The following SEM1 variants were observed in gnomAD, a reference collection of about 807,000 sequenced individuals.
SEM1 encodes the protein 26S proteasome complex subunit SEM1.
Under a neutral mutation model 12.7 loss-of-function variants are expected in SEM1, and 3 were observed. That is an observed-to-expected ratio of 0.24 (90% CI 0.11 to 0.61). The LOEUF is 0.61. SEM1 is among the 20% of genes least tolerant of loss of function. The pLI, the probability that SEM1 is intolerant of heterozygous loss-of-function variation, is 0.88. For missense variants in SEM1, 59 were observed against 81.3 expected (o/e 0.73, Z 1.06); for synonymous variants, 30 against 27.8 (o/e 1.08, Z -0.25).
At chr7:96,603,998 G>A (rs1375141640) in intron 2 of SEM1, among the ~76,000 whole-genome samples, 13 of 151,902 alleles carry the variant, frequency 8.6e-5, no homozygotes, top group Non-Finnish European at 1.9e-4. Flanking sequence ...AAATATTAAA[G>A]AAAAGTTATT....
chr7:96,708,167 T>C (rs1790528355), intron 1 of SEM1: 1 of 152,224 alleles, frequency 6.6e-6, no homozygotes, highest in Non-Finnish European at 1.5e-5. Context: ...GCCAGCTTTC[T>C]ACGACACAGC....
chr7:96,580,284 A>G (rs1421494244), intron 2 of SEM1, among the ~76,000 whole-genome samples: 1 of 147,752 alleles, frequency 6.8e-6, no homozygotes, highest in African/African-American at 2.5e-5. Flanking sequence ...CCATGTCCCT[A>G]CAAAGGACAT....
chr7:96,688,201 G>C (rs1158002122), downstream of SEM1: 2 of 152,046 alleles, frequency 1.3e-5, no homozygotes, highest in African/African-American at 2.4e-5. Context: ...ATCACTCTGT[G>C]AAAACTCAGT....
At chr7:96,593,250 G>C (rs970720845) in intron 2 of SEM1, among the ~76,000 whole-genome samples, 2 of 152,088 alleles carry the variant, frequency 1.3e-5, no homozygotes, top group African/African-American at 4.8e-5. Context: ...GGTTGATATT[G>C]CGTTCACAAC....
At chr7:96,633,720 T>C (rs1046334156) in intron 2 of SEM1, among the ~76,000 whole-genome samples, 3 of 152,160 alleles carry the variant, frequency 2.0e-5, no homozygotes, top group Admixed American at 1.3e-4. Context: ...GAGGCATTTA[T>C]ATAAAAGTCA....
downstream of SEM1, among the ~76,000 whole-genome samples, chr7:96,620,111 G>A (rs1230990506): frequency 6.6e-6 from 1 of 151,944 alleles, no homozygotes; most frequent in Non-Finnish European, 1.5e-5. Context: ...TGCAGCCATG[G>A]CGGCCTGAAC....
intron 2 of SEM1, among the ~76,000 whole-genome samples, chr7:96,532,269 T>G (rs954567639): frequency 6.6e-6 from 1 of 152,108 alleles, no homozygotes; most frequent in Admixed American, 6.6e-5. Context: ...CCCAAATTAA[T>G]TTTTTACATT....
At chr7:96,597,114 A>G (rs1283439421) in intron 2 of SEM1, among the ~76,000 whole-genome samples, 1 of 152,220 alleles carries the variant, frequency 6.6e-6, no homozygotes, top group African/African-American at 2.4e-5. Flanking sequence ...GAATCAAACT[A>G]AAGTGTTTTC....
downstream of SEM1, among the ~76,000 whole-genome samples, chr7:96,687,264 GACCCA>G (rs1385565165): frequency 6.6e-6 from 1 of 152,166 alleles, no homozygotes; most frequent in Non-Finnish European, 1.5e-5. Context: ...AATACCATTT[GACCCA>G]GCCATCCCAT....
downstream of SEM1, among the ~76,000 whole-genome samples, chr7:96,670,318 T>C (rs138106844): frequency 7.3e-3 from 1,110 of 152,290 alleles, 17 homozygotes; most frequent in African/African-American, 0.026. Flanking sequence ...AGCCTTAATC[T>C]TAAGGCTTAC....
intron 2 of SEM1, chr7:96,622,684 A>G: frequency 2.6e-6 from 2 of 758,194 alleles, no homozygotes; most frequent in Non-Finnish European, 4.8e-6. Flanking sequence ...TCTTTTTCAA[A>G]CACCTATTAG....
intron 2 of SEM1, among the ~76,000 whole-genome samples, chr7:96,542,874 A>C (rs1804997464): frequency 6.6e-6 from 1 of 151,940 alleles, no homozygotes; most frequent in Non-Finnish European, 1.5e-5. Flanking sequence ...AGATCTGTAT[A>C]CCACTGTTAT....
downstream of SEM1, among the ~76,000 whole-genome samples, chr7:96,683,912 G>A (rs1789690434): frequency 6.6e-6 from 1 of 152,050 alleles, no homozygotes; most frequent in South Asian, 2.1e-4. Context: ...AGCATTAGGA[G>A]AAATACCTAA....
At chr7:96,539,192 C>A (rs1482720942) in intron 2 of SEM1, among the ~76,000 whole-genome samples, 1 of 151,764 alleles carries the variant, frequency 6.6e-6, no homozygotes, top group Non-Finnish European at 1.5e-5. Context: ...CCAGTTGAAC[C>A]TTCAGTTAAG....
At chr7:96,482,734 G>A (rs929292136) in exon 4 of SEM1, 1 of 152,136 alleles carries the variant, frequency 6.6e-6, no homozygotes, top group Non-Finnish European at 1.5e-5. Flanking sequence ...TTTCCTAATG[G>A]ATATGGCAGA....
chr7:96,572,628 T>C (rs76540011), intron 2 of SEM1, among the ~76,000 whole-genome samples: 1 of 152,202 alleles, frequency 6.6e-6, no homozygotes, highest in Non-Finnish European at 1.5e-5. Context: ...CTAATTTGAT[T>C]GCACTGTGGT....
intron 2 of SEM1, among the ~76,000 whole-genome samples, chr7:96,545,668 C>T (rs1805083735): frequency 6.6e-6 from 1 of 151,942 alleles, no homozygotes; most frequent in African/African-American, 2.4e-5. Flanking sequence ...ACATATATCC[C>T]AGTTATTTTA....
At chr7:96,486,146 G>T in intron 2 of SEM1, 1 of 1,307,118 alleles carries the variant, frequency 7.7e-7, no homozygotes, top group Non-Finnish European at 1.0e-6. Context: ...AAGACTTAGA[G>T]AGTTAATTTT....
At chr7:96,642,587 G>T (rs1808650455) in intron 2 of SEM1, among the ~76,000 whole-genome samples, 1 of 150,664 alleles carries the variant, frequency 6.6e-6, no homozygotes, top group Non-Finnish European at 1.5e-5. Context: ...TATTTCCTAG[G>T]CACCAAGCTA....
Sources: gnomAD v4.1 joint callset for allele counts (sites outside exome capture counted in the v4.1 genomes callset) on GRCh38, gnomAD v4.1.1 for gene constraint, MANE v1.5 for transcripts, NCBI Gene and HGNC (gene_info 2026-07-23, HGNC 2026-07-21) for gene names.